The following SHISA9 variants were observed in gnomAD, a reference collection of about 807,000 sequenced individuals.
SHISA9 encodes protein shisa-9.
SHISA9 carries 13 observed loss-of-function variants against 38.0 expected under a neutral mutation model. That is an observed-to-expected ratio of 0.34 (90% CI 0.22 to 0.54). The LOEUF (loss-of-function observed/expected upper bound fraction) is 0.54. Ranked by LOEUF, SHISA9 falls within the 20% of genes least tolerant of loss-of-function variation. The pLI, the probability that SHISA9 is intolerant of heterozygous loss-of-function variation, is 0.91. For synonymous variants in SHISA9, 275 were observed against 242.0 expected, an observed-to-expected ratio of 1.14 and a Z score of -1.27; for missense variants, 538 against 575.8, an observed-to-expected ratio of 0.93 and a Z score of 0.67.
At chr16:12,970,824 G>A (rs941130269) in intron 2 of SHISA9, among the ~76,000 whole-genome samples, 7 of 151,830 alleles carry the variant, frequency 4.6e-5, no homozygotes, top group African/African-American at 7.2e-5. Context: ...GCGCCTGGCC[G>A]GGGCATATGT....
chr16:13,044,813 T>C (rs1433247440), intron 2 of SHISA9, among the ~76,000 whole-genome samples: 2 of 152,234 alleles, frequency 1.3e-5, no homozygotes, highest in African/African-American at 4.8e-5. Context: ...AGCTAAGTGA[T>C]CACTTAAAGC....
intron 2 of SHISA9, among the ~76,000 whole-genome samples, chr16:13,200,451 AG>A (rs1349982621): frequency 1.6e-4 from 18 of 115,830 alleles, no homozygotes; most frequent in African/African-American, 6.2e-4. Context: ...CAGCAGCAGC[AG>A]CAGCAGCAGC....
chr16:13,054,333 C>T (rs972168038), intron 2 of SHISA9, among the ~76,000 whole-genome samples: 31 of 152,302 alleles, frequency 2.0e-4, no homozygotes, highest in South Asian at 4.1e-4. Flanking sequence ...GTCTGCTTGG[C>T]GTCTGGTGCA....
At chr16:13,384,713 C>T in the SHISA9 span, among the ~76,000 whole-genome samples, 1 of 152,156 alleles carries the variant, frequency 6.6e-6, no homozygotes, top group African/African-American at 2.4e-5. Context: ...CAATTCCAAC[C>T]TTTTCCCAAA....
At chr16:13,438,917 A>C in the SHISA9 span, among the ~76,000 whole-genome samples, 2 of 152,186 alleles carry the variant, frequency 1.3e-5, no homozygotes, top group South Asian at 2.1e-4. Flanking sequence ...AAAACTAGAA[A>C]AAGTGACCCT....
the SHISA9 span, among the ~76,000 whole-genome samples, chr16:13,477,513 G>C: frequency 6.6e-6 from 1 of 152,192 alleles, no homozygotes; most frequent in African/African-American, 2.4e-5. Context: ...AAAGGTGGTG[G>C]GGGGAGGTGA....
intron 2 of SHISA9, among the ~76,000 whole-genome samples, chr16:13,026,761 G>A (rs149656402): frequency 1.8e-4 from 28 of 152,272 alleles, no homozygotes; most frequent in African/African-American, 6.3e-4. Flanking sequence ...TCTTCTCATA[G>A]CATCATTTTG....
At chr16:13,340,541 C>T in the SHISA9 span, among the ~76,000 whole-genome samples, 1 of 152,204 alleles carries the variant, frequency 6.6e-6, no homozygotes, top group Non-Finnish European at 1.5e-5. Context: ...CTGTCCCAGT[C>T]AGATTCACCC....
intron 2 of SHISA9, among the ~76,000 whole-genome samples, chr16:12,952,483 G>T (rs1031037038): frequency 6.6e-6 from 1 of 152,170 alleles, no homozygotes; most frequent in African/African-American, 2.4e-5. Flanking sequence ...CTTAAAGTCA[G>T]AATTGACATC....
the SHISA9 span, among the ~76,000 whole-genome samples, chr16:13,368,476 T>C: frequency 6.6e-6 from 1 of 151,966 alleles, no homozygotes; most frequent in Non-Finnish European, 1.5e-5. Context: ...CCTGATTAGA[T>C]TATGTAGGTT....
the SHISA9 span, among the ~76,000 whole-genome samples, chr16:13,295,665 G>T: frequency 6.6e-6 from 1 of 152,180 alleles, no homozygotes; most frequent in Non-Finnish European, 1.5e-5. Context: ...GCAGGTAAGA[G>T]ATGTGTCAGG....
At chr16:13,370,485 A>G in the SHISA9 span, among the ~76,000 whole-genome samples, 1 of 152,220 alleles carries the variant, frequency 6.6e-6, no homozygotes, top group Non-Finnish European at 1.5e-5. Flanking sequence ...TCCGTTAAGA[A>G]GGGTTTGTTT....
the SHISA9 span, among the ~76,000 whole-genome samples, chr16:13,248,822 T>A: frequency 2.0e-5 from 3 of 152,144 alleles, no homozygotes; most frequent in African/African-American, 7.2e-5. Context: ...AAGAAACTGG[T>A]AAGGGGATGG....
chr16:13,211,559 A>T (rs184340228), intron 3 of SHISA9, among the ~76,000 whole-genome samples: 1 of 152,186 alleles, frequency 6.6e-6, no homozygotes, highest in African/African-American at 2.4e-5. Flanking sequence ...CCTTAGGTCT[A>T]CTTCCTCTTC....
intron 2 of SHISA9, among the ~76,000 whole-genome samples, chr16:13,138,837 G>T (rs560144529): frequency 6.6e-6 from 1 of 152,194 alleles, no homozygotes; most frequent in African/African-American, 2.4e-5. Flanking sequence ...AGGATTCATG[G>T]CTCCTGACAT....
chr16:13,169,008 T>C (rs1005107893), intron 2 of SHISA9, among the ~76,000 whole-genome samples: 1 of 152,228 alleles, frequency 6.6e-6, no homozygotes, highest in Non-Finnish European at 1.5e-5. Context: ...GTGGAACCTA[T>C]TGAGGCATGG....
At chr16:13,299,225 A>T in the SHISA9 span, among the ~76,000 whole-genome samples, 1 of 152,188 alleles carries the variant, frequency 6.6e-6, no homozygotes, top group East Asian at 1.9e-4. Context: ...CCTTTGCCAA[A>T]CACTCATTAG....
chr16:13,522,271 C>T, the SHISA9 span, among the ~76,000 whole-genome samples: 9,244 of 152,268 alleles, frequency 0.061, 501 homozygotes, highest in East Asian at 0.19. Flanking sequence ...GGTTTTACAT[C>T]AGGTAGAGGA....
chr16:13,396,415 G>A, the SHISA9 span, among the ~76,000 whole-genome samples: 1 of 152,178 alleles, frequency 6.6e-6, no homozygotes, highest in East Asian at 1.9e-4. Flanking sequence ...GCTGAGGCAC[G>A]AGAATCACTT....
Sources: gnomAD v4.1 joint callset for allele counts (sites outside exome capture counted in the v4.1 genomes callset) on GRCh38, gnomAD v4.1.1 for gene constraint, MANE v1.5 for transcripts, NCBI Gene and HGNC (gene_info 2026-07-23, HGNC 2026-07-21) for gene names.